The following KCNJ6 variants were observed in gnomAD, a reference collection of about 807,000 sequenced individuals.
KCNJ6 encodes the protein G protein-activated inward rectifier potassium channel 2.
Under a neutral mutation model 34.2 loss-of-function variants are expected in KCNJ6, and 9 were observed. That is an observed-to-expected ratio of 0.26 (90% confidence interval 0.16 to 0.46). KCNJ6 has a LOEUF of 0.46. Ranked by LOEUF, KCNJ6 falls within the 20% of genes least tolerant of loss-of-function variation. KCNJ6 has a pLI of 1.00. For missense variants in KCNJ6, 236 were observed against 531.3 expected (o/e 0.44, Z 5.46); for synonymous variants, 196 against 207.1 (o/e 0.95, Z 0.46).
intron 1 of KCNJ6, among the ~76,000 whole-genome samples, chr21:37,866,391 G>A (rs2055622818): frequency 6.6e-6 from 1 of 152,230 alleles, no homozygotes; most frequent in Admixed American, 6.5e-5. Flanking sequence ...GATCTGATGA[G>A]TTGGGAGAAT....
chr21:37,775,363 C>T (rs978662077), intron 2 of KCNJ6, among the ~76,000 whole-genome samples: 1 of 152,172 alleles, frequency 6.6e-6, no homozygotes, highest in Non-Finnish European at 1.5e-5. Context: ...AATTAGAACC[C>T]ATTTGTCAAT....
chr21:37,803,465 G>A (rs149118645), intron 2 of KCNJ6, among the ~76,000 whole-genome samples: 73 of 152,250 alleles, frequency 4.8e-4, no homozygotes, highest in African/African-American at 1.5e-3. Flanking sequence ...ATAGTGAGTC[G>A]GCCAGAATCA....
chr21:37,627,605 T>G (rs1243415105), intron 3 of KCNJ6, among the ~76,000 whole-genome samples: 1 of 152,070 alleles, frequency 6.6e-6, no homozygotes, highest in African/African-American at 2.4e-5. Flanking sequence ...TTGGGGAAAA[T>G]AGCAAGCTAA....
At position 37,614,532 on chromosome 21, in the gene KCNJ6, GTCTC is replaced by G. The variant is rs144260075; in HGVS notation, c.*10623_*10626del. The G allele has an allele frequency of 3.1e-5, 4 of 127,794 alleles. No individual in the cohort carries two copies. Among genetic ancestry groups the G allele is most frequent in the African/African-American group, 5.6e-5 (2 of 35,772 alleles). The allele number at this position is 127,794 out of a possible 1,614,324, so 7.9% of individuals were successfully genotyped here. ...TCTCTGTATGCATGTGTGTATGCAT[GTCTC>G]TGTGTATGCGTGTGTGTGTATGCGT... is the stretch of plus-strand genomic sequence containing the variant. On this transcript the variant is annotated 3_prime_UTR_variant, in exon 4 of 4. Transcript: ENST00000609713.
At chr21:37,878,101 C>T (rs941132663) in intron 1 of KCNJ6, among the ~76,000 whole-genome samples, 8 of 152,130 alleles carry the variant, frequency 5.3e-5, no homozygotes, top group Admixed American at 6.5e-5. Flanking sequence ...TCAATCTGCA[C>T]GGTGGAAACA....
chr21:37,647,665 C>T (rs991630662), intron 3 of KCNJ6, among the ~76,000 whole-genome samples: 1 of 152,166 alleles, frequency 6.6e-6, no homozygotes, highest in Non-Finnish European at 1.5e-5. Context: ...CTGAAATGAT[C>T]CAAACTAGCC....
chr21:37,768,878 G>C (rs1308679640), intron 2 of KCNJ6, among the ~76,000 whole-genome samples: 3 of 152,162 alleles, frequency 2.0e-5, no homozygotes, highest in African/African-American at 7.2e-5. Flanking sequence ...CTTATTTTTT[G>C]AGTTAGTGTA....
chr21:37,708,421 C>T (rs2054732521), intron 3 of KCNJ6, among the ~76,000 whole-genome samples: 1 of 152,118 alleles, frequency 6.6e-6, no homozygotes, highest in Admixed American at 6.5e-5. Flanking sequence ...TTTACCCAGC[C>T]AGCCAATGAT....
rs2054231127 is a variant in KCNJ6 at position 37,608,277 on chromosome 21, TC to T, written c.*16881del. ...TGTGTGTTTCTGTTTTAAGACCCTCTCCCATGCTGGCCTTGCAAACTGAAAT... is the reference window on the plus strand; with the variant it reads ...TGTGTGTTTCTGTTTTAAGACCCTCTCCATGCTGGCCTTGCAAACTGAAAT... On this transcript the variant is annotated 3_prime_UTR_variant, in exon 4 of 4. Transcript: ENST00000609713. 6.6e-6 allele frequency: 1 copy of T among 152,272 alleles called. No individual in the cohort carries two copies. The highest frequency in any genetic ancestry group is 1.5e-5 in the Non-Finnish European group (1 of 68,078). 9.4% of individuals were successfully genotyped at this position (152,272 alleles called of 1,614,324 possible).
intron 2 of KCNJ6, among the ~76,000 whole-genome samples, chr21:37,840,000 T>C (rs1410419514): frequency 6.6e-6 from 1 of 152,170 alleles, no homozygotes; most frequent in African/African-American, 2.4e-5. Context: ...GGTTTCACCA[T>C]ATTAGCCAAG....
chr21:37,891,545 A>G (rs544341537), intron 1 of KCNJ6, among the ~76,000 whole-genome samples: 5 of 152,350 alleles, frequency 3.3e-5, no homozygotes, highest in African/African-American at 1.2e-4. Flanking sequence ...ACAAAGTTAA[A>G]AAAATCCCTT....
At position 37,840,711 on chromosome 21, in the gene KCNJ6, TGGA is replaced by T; in HGVS notation, c.-27-5_-27-3del. The stretch of plus-strand genomic sequence containing the variant: ...TGCAGTTTCTTCTTTGTGCTTTTCC[TGGA>T]GGTGAGAAGAAAAGACAATTATCTG... On this transcript the variant is annotated splice_polypyrimidine_tract_variant and splice_region_variant and intron_variant, in intron 1 of 3. Transcript: ENST00000609713. The T allele has an allele frequency of 6.4e-7, 1 of 1,565,092 alleles. No homozygotes were observed. The highest frequency in any genetic ancestry group is 1.1e-5 in the South Asian group (1 of 88,714).
intron 1 of KCNJ6, among the ~76,000 whole-genome samples, chr21:37,850,878 A>G (rs988291364): frequency 1.3e-5 from 2 of 152,102 alleles, no homozygotes; most frequent in Non-Finnish European, 2.9e-5. Flanking sequence ...AATCCTAGGG[A>G]AGCTTAGGGT....
chr21:37,745,486 G>T (rs951397514), intron 2 of KCNJ6, among the ~76,000 whole-genome samples: 2 of 152,070 alleles, frequency 1.3e-5, no homozygotes, highest in Non-Finnish European at 2.9e-5. Context: ...GTGGCCTGTA[G>T]AATCTGGGAA....
intron 3 of KCNJ6, among the ~76,000 whole-genome samples, chr21:37,640,287 G>T (rs562310837): frequency 1.3e-5 from 2 of 152,342 alleles, no homozygotes; most frequent in Admixed American, 1.3e-4. Context: ...CACAGGCCTG[G>T]GTTTGAATCT....
At chr21:37,701,825 A>T (rs1215836498) in intron 3 of KCNJ6, among the ~76,000 whole-genome samples, 1 of 152,196 alleles carries the variant, frequency 6.6e-6, no homozygotes, top group Non-Finnish European at 1.5e-5. Flanking sequence ...GCAGACAAGC[A>T]GGCAGGAGCC....
At chr21:37,661,703 A>G (rs762849430) in intron 3 of KCNJ6, among the ~76,000 whole-genome samples, 1 of 140,778 alleles carries the variant, frequency 7.1e-6, no homozygotes, top group Non-Finnish European at 1.5e-5. Flanking sequence ...GCTCACTGCA[A>G]GCTCCGCCTC....
chr21:37,713,721 C>T lies in KCNJ6; in HGVS notation c.946+490G>A, dbSNP rs1453142900. On this transcript the variant is annotated intron_variant, in intron 3 of 3. Coordinates refer to ENST00000609713, the MANE Select transcript of KCNJ6 (RefSeq NM_002240.5). ...GTTGAATGTGGAGAGATACTAGGCA[C>T]TCACTTCATACAAAAGAAAAACCAA... is the stretch of plus-strand genomic sequence containing the variant. Among the ~76,000 whole-genome samples the T allele has an allele frequency of 3.9e-5, 6 of 152,284 alleles. No individual in the cohort carries two copies. The South Asian group carries it at 1.0e-3, about 26-fold the overall frequency.
At chr21:37,844,233 G>GT (rs1006958367) in intron 1 of KCNJ6, among the ~76,000 whole-genome samples, 6 of 151,802 alleles carry the variant, frequency 4.0e-5, no homozygotes, top group African/African-American at 1.5e-4. Flanking sequence ...TAATTTTTGT[G>GT]TTTTTTAGTA....
Sources: gnomAD v4.1 joint callset for allele counts (sites outside exome capture counted in the v4.1 genomes callset) on GRCh38, gnomAD v4.1.1 for gene constraint, MANE v1.5 for transcripts, NCBI Gene and HGNC (gene_info 2026-07-23, HGNC 2026-07-21) for gene names.